TTC7B: variants seen among roughly 807,000 people sequenced by gnomAD.
TTC7B encodes tetratricopeptide repeat domain 7B.
Under a neutral mutation model 106.8 loss-of-function variants are expected in TTC7B, and 28 were observed. The ratio of observed to expected loss-of-function variants is 0.26; its 90% CI spans 0.19 to 0.36. The LOEUF (loss-of-function observed/expected upper bound fraction) is 0.36. Ranked by LOEUF, TTC7B falls within the 10% of genes least tolerant of loss-of-function variation. The pLI is 1.00. For missense variants in TTC7B, 862 were observed against 1,076.4 expected (o/e 0.80, Z 2.79); for synonymous variants, 405 against 430.6 (o/e 0.94, Z 0.74).
intron 19 of TTC7B, among the ~76,000 whole-genome samples, chr14:90,559,182 T>G (rs1165596297): frequency 6.6e-6 from 1 of 152,232 alleles, no homozygotes; most frequent in African/African-American, 2.4e-5. Context: ...CCCGGCCACC[T>G]GCCATGTATG....
At position 90,759,166 on chromosome 14, in the gene TTC7B, G is replaced by T. The variant is rs903940720; in HGVS notation, c.446-14244C>A. ...ACTCCGACCCACTCCGGAGAGCCAC[G>T]CTCTGAGCCGCACATGACTCTCTCC... On this transcript the variant is annotated intron_variant, in intron 3 of 19. Transcript: ENST00000328459. This position sits in a 1 kb window ranked among gnomAD's most constrained non-coding sequence, Gnocchi z 4.1. 6.6e-6 allele frequency among the ~76,000 whole-genome samples: 1 copy of T among 152,046 alleles called. No individual in the cohort carries two copies. The highest frequency in any genetic ancestry group is 2.4e-5 in the African/African-American group (1 of 41,378).
chr14:90,643,267 G>A (rs1007352357), intron 15 of TTC7B, among the ~76,000 whole-genome samples: 38 of 152,132 alleles, frequency 2.5e-4, no homozygotes, highest in Non-Finnish European at 4.6e-4. Flanking sequence ...AATTAGCTGG[G>A]TGTGGTGGCA....
intron 19 of TTC7B, among the ~76,000 whole-genome samples, chr14:90,572,484 C>T (rs973102934): frequency 2.0e-5 from 3 of 152,196 alleles, no homozygotes; most frequent in South Asian, 2.1e-4. Flanking sequence ...TCAAACAGCT[C>T]GGCCAATCTC....
At chr14:90,559,996 C>T (rs1890501352) in intron 19 of TTC7B, among the ~76,000 whole-genome samples, 1 of 152,242 alleles carries the variant, frequency 6.6e-6, no homozygotes, top group Admixed American at 6.5e-5. Context: ...GCCCCTGTCC[C>T]TCTGGAATGG....
chr14:90,744,975 C>T (rs1595343369), intron 3 of TTC7B, 53 bp from the exon 4 acceptor site: 1 of 1,589,984 alleles, frequency 6.3e-7, no homozygotes, highest in Non-Finnish European at 8.6e-7. Context: ...CATAAGGCTT[C>T]ATTTTTAAAT....
At chr14:90,774,825 A>G (rs910337064) in intron 3 of TTC7B, among the ~76,000 whole-genome samples, 2 of 152,214 alleles carry the variant, frequency 1.3e-5, no homozygotes, top group African/African-American at 2.4e-5. Context: ...GGATCATCTG[A>G]GGTCAAGAGT....
intron 17 of TTC7B, among the ~76,000 whole-genome samples, chr14:90,601,644 C>A (rs1342499774): frequency 6.6e-6 from 1 of 152,134 alleles, no homozygotes; most frequent in African/African-American, 2.4e-5. Flanking sequence ...ACTGCTAGGG[C>A]ACCTGCAGGG....
intron 19 of TTC7B, among the ~76,000 whole-genome samples, chr14:90,542,460 G>A (rs1294573): frequency 0.4 from 61,114 of 151,726 alleles, 12,657 homozygotes; most frequent in Admixed American, 0.46. Context: ...TCCAAGCTGC[G>A]CACCTCTATA....
chr14:90,748,471 G>A (rs998931255), intron 3 of TTC7B, among the ~76,000 whole-genome samples: 2 of 151,978 alleles, frequency 1.3e-5, no homozygotes, highest in Non-Finnish European at 2.9e-5. Flanking sequence ...GGGACTACAG[G>A]TGCACACCAC....
chr14:90,694,389 CT>C (rs1231271582), intron 6 of TTC7B, among the ~76,000 whole-genome samples: 1 of 151,884 alleles, frequency 6.6e-6, no homozygotes, highest in East Asian at 1.9e-4. Flanking sequence ...TATAGAGTTT[CT>C]TTTGGGGGTG....
At chr14:90,587,559 C>T (rs1316717262) in intron 18 of TTC7B, among the ~76,000 whole-genome samples, 1 of 152,214 alleles carries the variant, frequency 6.6e-6, no homozygotes, top group Non-Finnish European at 1.5e-5. Context: ...CAGGCCCCCT[C>T]TGGCTCCCCT....
chr14:90,585,018 T>G (rs945308083), intron 18 of TTC7B, among the ~76,000 whole-genome samples: 1 of 152,144 alleles, frequency 6.6e-6, no homozygotes, highest in Non-Finnish European at 1.5e-5. Flanking sequence ...ATTCTTTCTT[T>G]GTCTGAGAAG....
At chr14:90,655,504 TC>T (rs1340841033) in intron 11 of TTC7B, among the ~76,000 whole-genome samples, 1 of 152,044 alleles carries the variant, frequency 6.6e-6, no homozygotes, top group Non-Finnish European at 1.5e-5. Context: ...AGCCTTTCTT[TC>T]CCCCCCTACC....
intron 5 of TTC7B, among the ~76,000 whole-genome samples, chr14:90,717,488 G>A (rs961690048): frequency 4.6e-5 from 7 of 152,164 alleles, no homozygotes; most frequent in Non-Finnish European, 8.8e-5. Context: ...AAATATAAAG[G>A]TGGGTACTTT....
intron 4 of TTC7B, among the ~76,000 whole-genome samples, chr14:90,734,417 C>A (rs541877629): frequency 2.8e-4 from 34 of 122,162 alleles, no homozygotes; most frequent in African/African-American, 8.2e-4. Flanking sequence ...GAGACTCTGT[C>A]TCCCAAAAAA....
intron 16 of TTC7B, among the ~76,000 whole-genome samples, chr14:90,617,587 G>A (rs768737237): frequency 1.3e-5 from 2 of 152,124 alleles, no homozygotes; most frequent in Non-Finnish European, 2.9e-5. Flanking sequence ...ATAAATGACT[G>A]GTCTATACAT....
chr14:90,749,917 G>T (rs531940288), intron 3 of TTC7B, among the ~76,000 whole-genome samples: 2 of 152,082 alleles, frequency 1.3e-5, no homozygotes, highest in South Asian at 4.1e-4. Flanking sequence ...TAAGGAATAC[G>T]GTTCTAATAA....
intron 6 of TTC7B, among the ~76,000 whole-genome samples, chr14:90,694,662 TATAA>T (rs983164354): frequency 2.1e-5 from 3 of 140,612 alleles, no homozygotes; most frequent in African/African-American, 7.8e-5. Flanking sequence ...ATATATTTAT[TATAA>T]ATATATGTAT....
rs370623243 is a variant in TTC7B at position 90,787,880 on chromosome 14, T to C, written c.122-1552A>G. Among the ~76,000 whole-genome samples, 275 of 152,274 alleles carry C rather than the reference T, an allele frequency of 1.8e-3. 1 individual carries two copies. The highest frequency in any genetic ancestry group is 6.4e-3 in the African/African-American group (264 of 41,556). On this transcript the variant is annotated intron_variant, in intron 1 of 19. Transcript: ENST00000328459. Reference sequence around the variant, plus strand: ...GACATGCAAGAAGAAAAAGCAAGTCTGGCCAGCCATGGTGGTTTATGCCTG... The same window carrying C: ...GACATGCAAGAAGAAAAAGCAAGTCCGGCCAGCCATGGTGGTTTATGCCTG...
Sources: gnomAD v4.1 joint callset for allele counts (sites outside exome capture counted in the v4.1 genomes callset) on GRCh38, gnomAD v4.1.1 for gene constraint, Gnocchi (gnomAD v3.1) non-coding constraint, MANE v1.5 for transcripts, NCBI Gene and HGNC (gene_info 2026-07-23, HGNC 2026-07-21) for gene names.